The following AMPH variants were observed in gnomAD, a reference collection of about 807,000 sequenced individuals.
The protein encoded by AMPH is amphiphysin (Stiff-Mann syndrome with breast cancer 128kD autoantigen).
Under a neutral mutation model 99.1 loss-of-function variants are expected in AMPH, and 49 were observed. The observed-to-expected ratio is 0.49, with a 90% CI of 0.39 to 0.63. The LOEUF is 0.63. Among genes scored for constraint, AMPH ranks in the 20% least tolerant of loss-of-function variants. The pLI, the probability that AMPH is intolerant of heterozygous loss-of-function variation, is 0.00. For synonymous variants in AMPH, 314 were observed against 317.3 expected, an observed-to-expected ratio of 0.99 and a Z score of 0.11; for missense variants, 759 against 863.4, an observed-to-expected ratio of 0.88 and a Z score of 1.52.
intron 17 of AMPH, among the ~76,000 whole-genome samples, chr7:38,401,599 C>T (rs1784842088): frequency 6.6e-6 from 1 of 152,148 alleles, no homozygotes; most frequent in African/African-American, 2.4e-5. Flanking sequence ...TCTTTGTGCT[C>T]AAAATTTGTA....
intron 12 of AMPH, 140 bp downstream of exon 12, chr7:38,436,132 C>A: frequency 1.6e-6 from 1 of 644,730 alleles, no homozygotes; most frequent in Non-Finnish European, 2.7e-6. Flanking sequence ...CCTTTCTACC[C>A]CTCTTTCCTA....
chr7:38,493,227 G>A (rs1461130530), intron 4 of AMPH, among the ~76,000 whole-genome samples: 1 of 152,180 alleles, frequency 6.6e-6, no homozygotes, highest in African/African-American at 2.4e-5. Context: ...CTTCCCCTGA[G>A]CTCTGGCTGC....
intron 18 of AMPH, chr7:38,392,620 C>T (rs1340863654): frequency 1.3e-5 from 2 of 152,598 alleles, no homozygotes; most frequent in Non-Finnish European, 2.9e-5. Flanking sequence ...CTCCTGACCT[C>T]GTGATCCGCC....
At position 38,412,056 on chromosome 7, in the gene AMPH, T is replaced by C. The variant is rs562590787; in HGVS notation, c.1398+5769A>G. Among the ~76,000 whole-genome samples the C allele has an allele frequency of 9.2e-5, 14 of 152,226 alleles. No homozygotes were observed. The South Asian group carries it at 2.3e-3, about 25-fold the overall frequency. On this transcript the variant is annotated intron_variant, in intron 17 of 20. Coordinates refer to ENST00000356264, the MANE Select transcript of AMPH (RefSeq NM_001635.4). ...CTAGAATAGATAAATCCATAGCACA[T>C]TGGCAGGTACCAAGGGCCTGGGGAG... is the stretch of plus-strand genomic sequence containing the variant.
intron 1 of AMPH, among the ~76,000 whole-genome samples, chr7:38,540,829 G>A (rs1790782092): frequency 6.6e-6 from 1 of 150,604 alleles, no homozygotes; most frequent in Admixed American, 6.6e-5. Context: ...CAAGAATGAT[G>A]GCAGGGTTGG....
intron 1 of AMPH, among the ~76,000 whole-genome samples, chr7:38,570,419 T>G (rs1275566989): frequency 6.6e-6 from 1 of 152,162 alleles, no homozygotes; most frequent in Non-Finnish European, 1.5e-5. Flanking sequence ...TAATGTTTTG[T>G]GTCAAAGACA....
intron 16 of AMPH, among the ~76,000 whole-genome samples, chr7:38,418,468 G>A (rs1785467438): frequency 6.6e-6 from 1 of 152,082 alleles, no homozygotes; most frequent in African/African-American, 2.4e-5. Context: ...AATATGCATT[G>A]CACCAAAAAA....
intron 1 of AMPH, among the ~76,000 whole-genome samples, chr7:38,608,951 T>C (rs1793529948): frequency 6.6e-6 from 1 of 152,210 alleles, no homozygotes; most frequent in Non-Finnish European, 1.5e-5. Flanking sequence ...TGTTGCTATA[T>C]GAACGTGCTT....
At chr7:38,467,064 T>A (rs1787686356) in intron 7 of AMPH, among the ~76,000 whole-genome samples, 1 of 152,204 alleles carries the variant, frequency 6.6e-6, no homozygotes, top group Non-Finnish European at 1.5e-5. Flanking sequence ...TGCATACAAA[T>A]ACACATGCAT....
At chr7:38,503,507 T>TGG in intron 3 of AMPH, 143 bp downstream of exon 3, 1 of 440,484 alleles carries the variant, frequency 2.3e-6, no homozygotes. Flanking sequence ...GGGGGGTGGG[T>TGG]GGTGGAATGG....
chr7:38,565,398 T>C (rs1255284921), intron 1 of AMPH, among the ~76,000 whole-genome samples: 1 of 152,168 alleles, frequency 6.6e-6, no homozygotes, highest in African/African-American at 2.4e-5. Flanking sequence ...AAGTCTGAGA[T>C]CGAGGTGCCA....
At chr7:38,520,109 T>C (rs1301286687) in intron 2 of AMPH, among the ~76,000 whole-genome samples, 1 of 152,224 alleles carries the variant, frequency 6.6e-6, no homozygotes, top group Non-Finnish European at 1.5e-5. Context: ...TATATATATG[T>C]ATATGCATAT....
intron 1 of AMPH, among the ~76,000 whole-genome samples, chr7:38,575,254 A>AT (rs1183545138): frequency 1.3e-5 from 2 of 152,094 alleles, no homozygotes; most frequent in Non-Finnish European, 2.9e-5. Flanking sequence ...TAACAGTTTA[A>AT]TTTTTTTAAC....
At chr7:38,577,649 G>A (rs1015905128) in intron 1 of AMPH, among the ~76,000 whole-genome samples, 2 of 151,848 alleles carry the variant, frequency 1.3e-5, no homozygotes, top group South Asian at 4.2e-4. Flanking sequence ...GGTGAGAGAG[G>A]AGAAGGGAGG....
chr7:38,621,268 G>A (rs1247441672), intron 1 of AMPH, among the ~76,000 whole-genome samples: 4 of 152,152 alleles, frequency 2.6e-5, no homozygotes, highest in African/African-American at 9.7e-5. Flanking sequence ...TCATACATAA[G>A]TTAAAATTAC....
chr7:38,476,605 A>G (rs1041661345), intron 6 of AMPH, among the ~76,000 whole-genome samples: 7 of 152,160 alleles, frequency 4.6e-5, no homozygotes, highest in African/African-American at 1.4e-4. Context: ...CAGACACACT[A>G]CTTTCTTTGA....
At chr7:38,529,745 A>G (rs1327496742) in intron 2 of AMPH, among the ~76,000 whole-genome samples, 1 of 152,258 alleles carries the variant, frequency 6.6e-6, no homozygotes, top group African/African-American at 2.4e-5. Flanking sequence ...GTCAAGATTA[A>G]TATTTAATGA....
At chr7:38,466,090 A>G in intron 8 of AMPH, 83 bp downstream of exon 8, 1 of 1,093,250 alleles carries the variant, frequency 9.1e-7, no homozygotes. Context: ...TTCTTTGGAT[A>G]ATTCTATCCC....
At position 38,617,931 on chromosome 7, in the gene AMPH, G is replaced by A. The variant is rs189047926; in HGVS notation, c.69+13352C>T. ...ATCCAAACCAGTTAGCAGACAGTAA[G>A]TGTAACTTTATTTATACTATGGCTA... On this transcript the variant is annotated intron_variant, in intron 1 of 20. Coordinates refer to ENST00000356264, the MANE Select transcript of AMPH (RefSeq NM_001635.4). Among the ~76,000 whole-genome samples the A allele has an allele frequency of 1.4e-3, 210 of 152,124 alleles. 2 individuals carry two copies. The highest frequency in any genetic ancestry group is 4.7e-3 in the African/African-American group (196 of 41,526).
Sources: allele counts gnomAD v4.1 joint callset (sites outside exome capture counted in the v4.1 genomes callset), GRCh38; gene constraint gnomAD v4.1.1; transcripts MANE v1.5; gene names NCBI Gene and HGNC (gene_info 2026-07-23, HGNC 2026-07-21).